MAST4: variants seen among roughly 807,000 people sequenced by gnomAD.
MAST4 encodes microtubule-associated serine/threonine-protein kinase 4.
MAST4 carries 89 observed loss-of-function variants against 162.7 expected under a neutral mutation model. That is an observed-to-expected ratio of 0.55 (90% CI 0.46 to 0.65). The LOEUF (loss-of-function observed/expected upper bound fraction) is 0.65, where lower values mean the gene tolerates loss of function less well. Ranked by LOEUF, MAST4 falls within the 30% of genes least tolerant of loss-of-function variation. MAST4 has a pLI of 0.00. For missense variants in MAST4, 3,153 were observed against 3,374.0 expected (o/e 0.93, Z 1.62); for synonymous variants, 1,479 against 1,361.1 (o/e 1.09, Z -1.91).
At position 67,141,456 on chromosome 5, in the gene MAST4, A is replaced by G. The variant is rs530589351; in HGVS notation, c.2495-659A>G. Among the ~76,000 whole-genome samples, 7 of 152,338 alleles carry G rather than the reference A, an allele frequency of 4.6e-5. No individual in the cohort carries two copies. The East Asian group carries it at 1.4e-3, about 29-fold the overall frequency. On this transcript the variant is annotated intron_variant, in intron 19 of 28. Coordinates refer to ENST00000403625, the MANE Select transcript of MAST4 (RefSeq NM_001164664.2). ...CTTTAAAATCGCTCTTTAAAATTAT[A>G]AACTGAATTGAAAACATTTCACTGA...
At chr5:66,789,804 T>C in intron 3 of MAST4, 1 of 515,014 alleles carries the variant, frequency 1.9e-6, no homozygotes, top group Non-Finnish European at 3.9e-6. Context: ...ACGCTTTTCA[T>C]CAAAATTTTC....
intron 4 of MAST4, among the ~76,000 whole-genome samples, chr5:66,925,989 T>A (rs1054489590): frequency 9.2e-5 from 14 of 152,048 alleles, no homozygotes; most frequent in Non-Finnish European, 1.8e-4. Context: ...AGATGAGTGA[T>A]GGATTCACTA....
chr5:67,110,239 A>C, intron 11 of MAST4, 40 bp downstream of exon 11: 1 of 1,430,504 alleles, frequency 7.0e-7, no homozygotes, highest in South Asian at 1.2e-5. Context: ...TTTATTGTTA[A>C]CTGGGAAAGC....
Position 66,883,498 on chromosome 5 carries a change from G to A in MAST4, c.643-16453G>A, listed in dbSNP as rs559711137. On this transcript the variant is annotated intron_variant, in intron 3 of 28. Transcript: ENST00000403625. ...GGCTGGAGTGCAGTGGCGTGATCTC[G>A]GCTCACTGCAACCTCCGCCTCCTGG... 4.1e-4 allele frequency among the ~76,000 whole-genome samples: 59 copies of A among 144,988 alleles called. No homozygotes were observed. The South Asian group carries it at 0.011, about 28-fold the overall frequency.
At chr5:66,648,845 A>G (rs960522823) in intron 1 of MAST4, among the ~76,000 whole-genome samples, 1 of 152,146 alleles carries the variant, frequency 6.6e-6, no homozygotes, top group Non-Finnish European at 1.5e-5. Flanking sequence ...TAGTTCTTGA[A>G]GTAAAAATCT....
At chr5:67,083,139 T>C (rs1003392499) in intron 5 of MAST4, among the ~76,000 whole-genome samples, 31 of 152,226 alleles carry the variant, frequency 2.0e-4, no homozygotes, top group Non-Finnish European at 2.2e-4. Flanking sequence ...GAATTCTGAT[T>C]TGATAGATTC....
intron 2 of MAST4, among the ~76,000 whole-genome samples, chr5:66,787,176 T>TA (rs1271135831): frequency 1.3e-5 from 2 of 152,232 alleles, no homozygotes; most frequent in Non-Finnish European, 1.5e-5. Flanking sequence ...GTACTGTACT[T>TA]ACAAAATTCT....
intron 4 of MAST4, among the ~76,000 whole-genome samples, chr5:67,027,933 G>C (rs537008954): frequency 6.6e-6 from 1 of 152,306 alleles, no homozygotes; most frequent in African/African-American, 2.4e-5. Flanking sequence ...TATCAGTTGA[G>C]CACCTTCCAT....
chr5:66,917,147 A>G (rs1434276008), intron 4 of MAST4: 4 of 636,436 alleles, frequency 6.3e-6, no homozygotes, highest in Admixed American at 4.7e-5. Flanking sequence ...ATTCTTTCCA[A>G]TCTTATTACC....
intron 26 of MAST4, among the ~76,000 whole-genome samples, chr5:67,155,763 C>G (rs1772410164): frequency 6.6e-6 from 1 of 152,014 alleles, no homozygotes; most frequent in African/African-American, 2.4e-5. Context: ...AAGGGCCAAA[C>G]AAAAATGACA....
chr5:66,861,014 A>T (rs1760076577), intron 3 of MAST4, among the ~76,000 whole-genome samples: 1 of 152,150 alleles, frequency 6.6e-6, no homozygotes, highest in Non-Finnish European at 1.5e-5. Context: ...ATCTGCTCCT[A>T]GTCTGGAGTT....
At chr5:66,703,121 TC>T (rs532633368) in intron 1 of MAST4, among the ~76,000 whole-genome samples, 4 of 152,074 alleles carry the variant, frequency 2.6e-5, no homozygotes, top group Non-Finnish European at 4.4e-5. Context: ...GCATTCTCCA[TC>T]CTTCATGAGT....
At chr5:66,996,798 C>A (rs1415645264) in intron 4 of MAST4, among the ~76,000 whole-genome samples, 1 of 152,134 alleles carries the variant, frequency 6.6e-6, no homozygotes, top group Non-Finnish European at 1.5e-5. Flanking sequence ...ATTTAAGGCC[C>A]ACCTGGATAA....
intron 4 of MAST4, among the ~76,000 whole-genome samples, chr5:67,042,605 A>G (rs1186326063): frequency 6.6e-6 from 1 of 152,118 alleles, no homozygotes; most frequent in African/African-American, 2.4e-5. Context: ...TTAGAAACAA[A>G]TAGTAGGGAC....
intron 3 of MAST4, among the ~76,000 whole-genome samples, chr5:66,865,648 A>G (rs1760458039): frequency 6.6e-6 from 1 of 152,206 alleles, no homozygotes; most frequent in Non-Finnish European, 1.5e-5. Flanking sequence ...AAAGTTTAGG[A>G]CACAACCTAA....
chr5:66,869,201 GA>G (rs1321230861), intron 3 of MAST4, among the ~76,000 whole-genome samples: 3 of 152,200 alleles, frequency 2.0e-5, no homozygotes, highest in South Asian at 2.1e-4. Flanking sequence ...CTTTTAGGGG[GA>G]AAAAAGGTTT....
At chr5:66,938,078 G>A (rs1217460556) in intron 4 of MAST4, among the ~76,000 whole-genome samples, 1 of 151,748 alleles carries the variant, frequency 6.6e-6, no homozygotes, top group Non-Finnish European at 1.5e-5. Context: ...GAGTCTGTTT[G>A]GTTTTCTAGA....
chr5:66,639,095 G>A (rs1161463399), intron 1 of MAST4, among the ~76,000 whole-genome samples: 1 of 152,052 alleles, frequency 6.6e-6, no homozygotes, highest in African/African-American at 2.4e-5. Flanking sequence ...AGAAGAGAAT[G>A]GGTCTTGGCT....
chr5:66,773,806 A>G (rs376306541), intron 2 of MAST4, among the ~76,000 whole-genome samples: 2 of 152,350 alleles, frequency 1.3e-5, no homozygotes, highest in East Asian at 3.9e-4. Context: ...GCTGTGAGAA[A>G]TAAATTTCTG....
Sources: gnomAD v4.1 joint callset for allele counts (sites outside exome capture counted in the v4.1 genomes callset) on GRCh38, gnomAD v4.1.1 for gene constraint, MANE v1.5 for transcripts, NCBI Gene and HGNC (gene_info 2026-07-23, HGNC 2026-07-21) for gene names.